Variants in DLGAP1 observed in about 807,000 individuals in gnomAD.
The protein encoded by DLGAP1 is disks large-associated protein 1.
Under a neutral mutation model 90.8 loss-of-function variants are expected in DLGAP1, and 11 were observed. That is an observed-to-expected ratio of 0.12 (90% CI 0.08 to 0.20). The LOEUF (loss-of-function observed/expected upper bound fraction) is 0.20, where lower values mean the gene tolerates loss of function less well. Ranked by LOEUF, DLGAP1 falls within the 10% of genes least tolerant of loss-of-function variation. The probability of loss-of-function intolerance (pLI) is 1.00; values close to 1 mark genes in which losing one functional copy is unlikely to be tolerated. For missense variants in DLGAP1, 1,050 were observed against 1,333.8 expected, an observed-to-expected ratio of 0.79 and a Z score of 3.31; for synonymous variants, 558 against 540.7, an observed-to-expected ratio of 1.03 and a Z score of -0.44.
chr18:3,662,265 TA>T (rs1483693009), intron 7 of DLGAP1, among the ~76,000 whole-genome samples: 5 of 152,120 alleles, frequency 3.3e-5, no homozygotes, highest in Admixed American at 1.3e-4. Context: ...TTAACACTCC[TA>T]GGGGGTGGCT....
chr18:4,416,338 T>C lies in DLGAP1; in HGVS notation c.-267+38668A>G, dbSNP rs182208052. Among the ~76,000 whole-genome samples, 101 of 152,316 alleles carry C rather than the reference T, an allele frequency of 6.6e-4. 1 individual carries two copies. Among genetic ancestry groups the C allele is most frequent in the Admixed American group, 7.8e-4 (12 of 15,292 alleles). On this transcript the variant is annotated intron_variant, in intron 1 of 12. Coordinates refer to ENST00000315677, the MANE Select transcript of DLGAP1 (RefSeq NM_004746.4). Reference sequence around the variant, plus strand: ...AAGGTCAGATGATAATAGGTTGCTATTGAGTTATGCCTATATTAGAAGGGA... The same window carrying C: ...AAGGTCAGATGATAATAGGTTGCTACTGAGTTATGCCTATATTAGAAGGGA...
At chr18:4,402,418 TCA>T (rs1216446881) in intron 1 of DLGAP1, among the ~76,000 whole-genome samples, 3 of 152,242 alleles carry the variant, frequency 2.0e-5, no homozygotes, top group Non-Finnish European at 2.9e-5. Context: ...TATAATAATC[TCA>T]CACATTCACT....
intron 9 of DLGAP1, among the ~76,000 whole-genome samples, chr18:3,552,695 T>G (rs2053543254): frequency 2.0e-5 from 3 of 152,192 alleles, no homozygotes; most frequent in Non-Finnish European, 2.9e-5. Context: ...ACCCTTAGTT[T>G]TAGCCTCTGA....
chr18:3,963,851 G>A (rs957902200), intron 3 of DLGAP1, among the ~76,000 whole-genome samples: 4 of 151,966 alleles, frequency 2.6e-5, no homozygotes, highest in African/African-American at 4.8e-5. Flanking sequence ...CCTAGATTTC[G>A]AAGACTTTGT....
chr18:3,503,582 A>G (rs1334803754), intron 11 of DLGAP1, among the ~76,000 whole-genome samples: 1 of 152,216 alleles, frequency 6.6e-6, no homozygotes, highest in East Asian at 1.9e-4. Context: ...CCTAGCTGGT[A>G]TCTGTTTTGG....
intron 3 of DLGAP1, among the ~76,000 whole-genome samples, chr18:3,913,027 A>T (rs2072069064): frequency 1.3e-5 from 2 of 152,174 alleles, no homozygotes; most frequent in South Asian, 4.1e-4. Context: ...ACTGAACTAG[A>T]TGATCTCAGG....
chr18:4,073,184 G>C (rs2075474777), intron 2 of DLGAP1, among the ~76,000 whole-genome samples: 1 of 152,170 alleles, frequency 6.6e-6, no homozygotes, highest in East Asian at 1.9e-4. Context: ...TGCTTACTAG[G>C]CTTCCTCCCT....
intron 2 of DLGAP1, among the ~76,000 whole-genome samples, chr18:4,141,135 C>T (rs1412918623): frequency 6.6e-6 from 1 of 151,958 alleles, no homozygotes; most frequent in Non-Finnish European, 1.5e-5. Flanking sequence ...ACCTTGATTT[C>T]TATATCTGTC....
intron 3 of DLGAP1, chr18:3,892,130 CACACA>C (rs1251822451): frequency 8.7e-6 from 1 of 115,558 alleles, no homozygotes; most frequent in Non-Finnish European, 1.7e-5. Flanking sequence ...CACACACACA[CACACA>C]CACACACACA....
Position 3,710,284 on chromosome 18 carries a change from C to G in DLGAP1, c.1591+18851G>C, listed in dbSNP as rs189000641. Among the ~76,000 whole-genome samples, 9 of 152,290 alleles carry G rather than the reference C, an allele frequency of 5.9e-5. No individual in the cohort carries two copies. In the East Asian group the frequency reaches 1.7e-3, roughly 29 times the overall value. ...GAAAATGATTTGAGGGGCTGGGACT[C>G]AAGACTCCTTGTGATAAAAAATTCT... On this transcript the variant is annotated intron_variant, in intron 7 of 12. Coordinates refer to ENST00000315677, the MANE Select transcript of DLGAP1 (RefSeq NM_004746.4).
chr18:4,407,641 G>A (rs1431935996), intron 1 of DLGAP1, among the ~76,000 whole-genome samples: 1 of 152,116 alleles, frequency 6.6e-6, no homozygotes, highest in Non-Finnish European at 1.5e-5. Context: ...CACTTTGGGA[G>A]GCTGAGGCGG....
intron 10 of DLGAP1, among the ~76,000 whole-genome samples, chr18:3,521,935 T>C (rs1234423503): frequency 6.6e-6 from 1 of 152,224 alleles, no homozygotes; most frequent in East Asian, 1.9e-4. Context: ...AATTATAGTG[T>C]TGACTAATTA....
At chr18:4,426,834 G>A (rs1280040983) in intron 1 of DLGAP1, among the ~76,000 whole-genome samples, 1 of 152,054 alleles carries the variant, frequency 6.6e-6, no homozygotes, top group African/African-American at 2.4e-5. Flanking sequence ...ATGAGATTGG[G>A]TCCCTTCAAG....
intron 9 of DLGAP1, among the ~76,000 whole-genome samples, chr18:3,540,165 G>A (rs559748369): frequency 8.5e-5 from 13 of 152,088 alleles, no homozygotes; most frequent in South Asian, 8.3e-4. Flanking sequence ...TGAGGAGACC[G>A]AGATCAAGAA....
intron 1 of DLGAP1, among the ~76,000 whole-genome samples, chr18:4,241,861 T>A (rs1216220821): frequency 6.6e-6 from 1 of 152,212 alleles, no homozygotes; most frequent in Non-Finnish European, 1.5e-5. Flanking sequence ...TTCCTTATCA[T>A]TAGTTTTCTA....
chr18:3,715,279 G>A (rs191143569), intron 7 of DLGAP1, among the ~76,000 whole-genome samples: 2 of 152,172 alleles, frequency 1.3e-5, no homozygotes, highest in Non-Finnish European at 2.9e-5. Flanking sequence ...GCTCTCTCTG[G>A]AAAAGAGCAA....
chr18:3,718,672 T>C (rs1250771048), intron 7 of DLGAP1, among the ~76,000 whole-genome samples: 2 of 150,692 alleles, frequency 1.3e-5, no homozygotes. Context: ...ACGCCTGTAA[T>C]CCCAGCACTT....
In DLGAP1 at chr18:3,498,060, C is replaced by T. The variant is rs979847532; in HGVS notation, c.*1125G>A. ...GAGGAGATGAAAGGAGAAAATATATCTGAAATACGAACTACTTGGGTTAAA... is the reference window on the plus strand; with the variant it reads ...GAGGAGATGAAAGGAGAAAATATATTTGAAATACGAACTACTTGGGTTAAA... On this transcript the variant is annotated 3_prime_UTR_variant, in exon 13 of 13. Coordinates refer to ENST00000315677, the MANE Select transcript of DLGAP1 (RefSeq NM_004746.4). 2.6e-5 allele frequency: 4 copies of T among 152,190 alleles called. No homozygotes were observed. Among genetic ancestry groups the T allele is most frequent in the African/African-American group, 9.7e-5 (4 of 41,440 alleles). The allele number at this position is 152,190 out of a possible 1,614,324, so 9.4% of individuals were successfully genotyped here.
chr18:3,522,138 T>C (rs1261547880), intron 10 of DLGAP1, among the ~76,000 whole-genome samples: 1 of 147,622 alleles, frequency 6.8e-6, no homozygotes, highest in East Asian at 2.0e-4. Flanking sequence ...TTTCTTGCTT[T>C]TTTTTTTTTT....
Sources: allele counts gnomAD v4.1 joint callset (sites outside exome capture counted in the v4.1 genomes callset), GRCh38; gene constraint gnomAD v4.1.1; transcripts MANE v1.5; gene names NCBI Gene and HGNC (gene_info 2026-07-23, HGNC 2026-07-21).